TNPO1: variants seen among roughly 807,000 people sequenced by gnomAD.
TNPO1 encodes transportin 1.
In TNPO1, 8 loss-of-function variants were observed where a neutral mutation model predicts 119.5. The observed-to-expected ratio is 0.07, with a 90% CI of 0.04 to 0.12. The LOEUF (loss-of-function observed/expected upper bound fraction) is 0.12, where lower values mean the gene tolerates loss of function less well. Among genes scored for constraint, TNPO1 ranks in the 10% least tolerant of loss-of-function variants. The pLI, the probability that TNPO1 is intolerant of heterozygous loss-of-function variation, is 1.00. For synonymous variants in TNPO1, 362 were observed against 363.0 expected, an observed-to-expected ratio of 1.00 and a Z score of 0.03; for missense variants, 576 against 1,089.8, an observed-to-expected ratio of 0.53 and a Z score of 6.64.
intron 11 of TNPO1, among the ~76,000 whole-genome samples, chr5:72,885,095 A>G (rs780509849): frequency 6.6e-6 from 1 of 152,236 alleles, no homozygotes; most frequent in Non-Finnish European, 1.5e-5. Context: ...TAGAGTGCCT[A>G]ATGTGCCAGG....
chr5:72,882,029 A>G lies in TNPO1; in HGVS notation c.921-438A>G, dbSNP rs186006786. 2.0e-3 allele frequency among the ~76,000 whole-genome samples: 302 copies of G among 152,262 alleles called. 2 individuals carry two copies. Among genetic ancestry groups the G allele is most frequent in the African/African-American group, 7.0e-3 (292 of 41,550 alleles). ...TAACATTCTGATGTCTGTCCTCACC[A>G]TTTCCTTGAAATTGTTGATAAAGAT... is the stretch of plus-strand genomic sequence containing the variant. On this transcript the variant is annotated intron_variant, in intron 9 of 24. Transcript: ENST00000337273.
rs114333217 is a variant in TNPO1, at chr5:72,826,542, G to T, written c.15+9790G>T. On this transcript the variant is annotated intron_variant, in intron 1 of 24. Transcript: ENST00000337273. ...CTTTGTTTTATTTTTTGCTGTATCT[G>T]CAAGATACAGATACAGAGCCTAGAA... Among the ~76,000 whole-genome samples, 209 of 152,244 alleles carry T rather than the reference G, an allele frequency of 1.4e-3. 1 individual carries two copies. Among genetic ancestry groups the T allele is most frequent in the African/African-American group, 4.8e-3 (199 of 41,560 alleles).
intron 1 of TNPO1, among the ~76,000 whole-genome samples, chr5:72,821,397 A>G (rs991965966): frequency 2.6e-5 from 4 of 152,216 alleles, no homozygotes; most frequent in Admixed American, 2.6e-4. Flanking sequence ...TCATGAATAT[A>G]CTAAATAAAT....
intron 6 of TNPO1, chr5:72,871,747 AAAAG>A (rs1247385868): frequency 6.6e-6 from 1 of 152,132 alleles, no homozygotes; most frequent in Non-Finnish European, 1.5e-5. Context: ...TTAGAGTGAC[AAAAG>A]AAAGAAACTT....
intron 4 of TNPO1, among the ~76,000 whole-genome samples, chr5:72,856,624 T>G (rs535508526): frequency 1.3e-5 from 2 of 152,230 alleles, no homozygotes; most frequent in Admixed American, 6.5e-5. Flanking sequence ...ATGAAAAACC[T>G]AAGTGTATAT....
chr5:72,858,295 G>A (rs1033850302), intron 4 of TNPO1, among the ~76,000 whole-genome samples: 1 of 152,072 alleles, frequency 6.6e-6, no homozygotes, highest in Admixed American at 6.5e-5. Context: ...GATACATTTA[G>A]TTCATTATAT....
intron 1 of TNPO1, among the ~76,000 whole-genome samples, chr5:72,839,148 C>G (rs1005635490): frequency 4.6e-5 from 7 of 152,098 alleles, no homozygotes; most frequent in African/African-American, 1.7e-4. Flanking sequence ...AAAACTAACT[C>G]TCCAGTTGAA....
At chr5:72,896,862 T>G (rs1295377972) in intron 19 of TNPO1, among the ~76,000 whole-genome samples, 194 bp from the exon 20 acceptor site, 2 of 152,200 alleles carry the variant, frequency 1.3e-5, no homozygotes, top group Non-Finnish European at 2.9e-5. Flanking sequence ...AGCGAAACTT[T>G]GTCTCAAAAT....
rs114102909 is a variant in TNPO1 at position 72,849,301 on chromosome 5, C to G, written c.129+803C>G. ...CTACCACGTATGCTTTCTGTAGTGC[C>G]CTAAACCGTGCTCAAATGGAGAGCT... On this transcript the variant is annotated intron_variant, in intron 2 of 24. Coordinates refer to ENST00000337273, the MANE Select transcript of TNPO1 (RefSeq NM_002270.4). Among the ~76,000 whole-genome samples, 1,259 of 152,218 alleles carry G rather than the reference C, an allele frequency of 8.3e-3. 14 individuals carry two copies. Among genetic ancestry groups the G allele is most frequent in the African/African-American group, 0.029 (1,194 of 41,520 alleles).
chr5:72,864,162 A>C (rs559102171), intron 5 of TNPO1, among the ~76,000 whole-genome samples: 1 of 152,324 alleles, frequency 6.6e-6, no homozygotes, highest in South Asian at 2.1e-4. Context: ...TAACAATTGA[A>C]TATGACTATT....
intron 9 of TNPO1, among the ~76,000 whole-genome samples, chr5:72,879,704 G>C (rs1748084943): frequency 6.6e-6 from 1 of 152,172 alleles, no homozygotes; most frequent in Non-Finnish European, 1.5e-5. Flanking sequence ...TATTGTTTTA[G>C]ATAATGTATT....
chr5:72,905,152 G>T (rs1408637012), intron 23 of TNPO1, 151 bp from the exon 24 acceptor site: 4 of 588,832 alleles, frequency 6.8e-6, no homozygotes. Flanking sequence ...CATATTAGCA[G>T]GGAATGGTGT....
intron 2 of TNPO1, among the ~76,000 whole-genome samples, chr5:72,850,478 CAG>C (rs1462573081): frequency 6.6e-6 from 1 of 152,142 alleles, no homozygotes; most frequent in African/African-American, 2.4e-5. Context: ...TGGATTTAAT[CAG>C]AAATTTAGAT....
intron 8 of TNPO1, among the ~76,000 whole-genome samples, chr5:72,876,438 A>G (rs1747779310): frequency 6.6e-6 from 1 of 152,194 alleles, no homozygotes; most frequent in Admixed American, 6.5e-5. Context: ...TGAGAAATCT[A>G]TTTTGTTGAG....
At chr5:72,878,321 A>G (rs1261441943) in intron 9 of TNPO1, among the ~76,000 whole-genome samples, 1 of 151,842 alleles carries the variant, frequency 6.6e-6, no homozygotes, top group Non-Finnish European at 1.5e-5. Context: ...GAGCATTTTA[A>G]TGTTTTTTCA....
intron 1 of TNPO1, among the ~76,000 whole-genome samples, chr5:72,823,010 A>T: frequency 7.1e-6 from 1 of 140,398 alleles, no homozygotes. Flanking sequence ...AACTTTTCAT[A>T]CCCTTCTACT....
chr5:72,868,636 T>C (rs945171586), intron 6 of TNPO1, among the ~76,000 whole-genome samples: 3 of 152,162 alleles, frequency 2.0e-5, no homozygotes, highest in African/African-American at 7.2e-5. Context: ...GGTGTATTAA[T>C]GGGCCCTCTA....
At chr5:72,852,353 A>C (rs1425054538) in intron 3 of TNPO1, among the ~76,000 whole-genome samples, 1 of 152,204 alleles carries the variant, frequency 6.6e-6, no homozygotes, top group Admixed American at 6.5e-5. Context: ...TGCAATTTAC[A>C]GGCTCAGGAG....
chr5:72,848,132 G>C lies in TNPO1; in HGVS notation c.16-253G>C, dbSNP rs1330609505. 1.8e-5 allele frequency: 22 copies of C among 1,196,554 alleles called. 1 individual carries two copies. In the Middle Eastern group the frequency reaches 1.0e-3, roughly 55 times the overall value. 74.1% of individuals were successfully genotyped at this position (1,196,554 alleles called of 1,614,324 possible). On this transcript the variant is annotated intron_variant, in intron 1 of 24. Transcript: ENST00000337273. The stretch of plus-strand genomic sequence containing the variant: ...TGCAAATTCGCGGTGACTCAGTCTG[G>C]TCGGCTCCTTGCGCTCGGCGGCCGC...
Sources: allele counts gnomAD v4.1 joint callset (sites outside exome capture counted in the v4.1 genomes callset), GRCh38; gene constraint gnomAD v4.1.1; transcripts MANE v1.5; gene names NCBI Gene and HGNC (gene_info 2026-07-23, HGNC 2026-07-21).